EPB41L1: variants seen among roughly 807,000 people sequenced by gnomAD.
EPB41L1 encodes erythrocyte membrane protein band 4.1 like 1.
In EPB41L1, 29 loss-of-function variants were observed where a neutral mutation model predicts 97.8. The observed-to-expected ratio is 0.30, with a 90% confidence interval of 0.22 to 0.40. The LOEUF is 0.40. Among genes scored for constraint, EPB41L1 ranks in the 10% least tolerant of loss-of-function variants. The pLI is 1.00. For synonymous variants in EPB41L1, 383 were observed against 459.2 expected (o/e 0.83, Z 2.12); for missense variants, 812 against 1,162.3 (o/e 0.70, Z 4.38).
At chr20:36,142,859 G>A (rs1370468708) in intron 2 of EPB41L1, among the ~76,000 whole-genome samples, 8 of 152,162 alleles carry the variant, frequency 5.3e-5, no homozygotes, top group Non-Finnish European at 1.0e-4. Context: ...TGTGATCCTG[G>A]GCTCAGCCTG....
chr20:36,174,232 C>T (rs1446811837), intron 2 of EPB41L1, among the ~76,000 whole-genome samples: 4 of 151,964 alleles, frequency 2.6e-5, no homozygotes, highest in South Asian at 2.1e-4. Flanking sequence ...GGACAACAGG[C>T]GTGCACCACC....
At chr20:36,166,544 A>C (rs1294348680) in intron 1 of EPB41L1, among the ~76,000 whole-genome samples, 1 of 152,202 alleles carries the variant, frequency 6.6e-6, no homozygotes, top group African/African-American at 2.4e-5. Context: ...AAAAAGAAAT[A>C]AGTAAATCAA....
intron 1 of EPB41L1, chr20:36,155,724 C>T (rs912093783): frequency 4.5e-6 from 2 of 439,624 alleles, no homozygotes; most frequent in African/African-American, 4.0e-5. Flanking sequence ...CAGCCATCGT[C>T]GTTGCTTTTC....
At chr20:36,222,460 C>A in intron 21 of EPB41L1, 66 bp downstream of exon 21, 1 of 1,284,796 alleles carries the variant, frequency 7.8e-7, no homozygotes, top group Non-Finnish European at 1.1e-6. Flanking sequence ...CCTCTGAGGG[C>A]CATTTCCATC....
chr20:36,194,754 TG>T (rs1267458895), intron 12 of EPB41L1, among the ~76,000 whole-genome samples: 1 of 152,150 alleles, frequency 6.6e-6, no homozygotes, highest in Non-Finnish European at 1.5e-5. Context: ...GGTTCAAGTG[TG>T]TCCCCTTCCT....
intron 1 of EPB41L1, among the ~76,000 whole-genome samples, chr20:36,164,072 G>T (rs1013261240): frequency 2.0e-5 from 3 of 152,168 alleles, no homozygotes; most frequent in Admixed American, 2.0e-4. Flanking sequence ...TCAAACTCCT[G>T]ACCCCAAGTC....
chr20:36,212,462 C>CCA lies in EPB41L1; in HGVS notation c.2184+87_2184+88dup. On this transcript the variant is annotated intron_variant, in intron 16 of 21. Transcript: ENST00000338074. This position sits in a 1 kb window ranked among gnomAD's most constrained non-coding sequence, Gnocchi z 4.8. The stretch of plus-strand genomic sequence containing the variant: ...CCACTGCTGTGGCCAAACCCCTTGG[C>CCA]CAGCTCTTTTAATCTCAGCTTCCCT... 1.8e-6 allele frequency: 2 copies of CCA among 1,140,764 alleles called. No homozygotes were observed. The highest frequency in any genetic ancestry group is 2.6e-6 in the Non-Finnish European group (2 of 762,976). The allele number at this position is 1,140,764 out of a possible 1,614,324, so 70.7% of individuals were successfully genotyped here.
chr20:36,114,054 G>T (rs188908262), intron 2 of EPB41L1, among the ~76,000 whole-genome samples: 1 of 152,178 alleles, frequency 6.6e-6, no homozygotes, highest in Non-Finnish European at 1.5e-5. Flanking sequence ...CTAGTTGGCC[G>T]TGTGTCTAGA....
chr20:36,173,143 C>T (rs2061068363), intron 1 of EPB41L1, among the ~76,000 whole-genome samples: 1 of 152,220 alleles, frequency 6.6e-6, no homozygotes, highest in Non-Finnish European at 1.5e-5. Flanking sequence ...GTGGCCAACT[C>T]GGGGACTGAG....
chr20:36,226,222 C>T (rs1487365681), intron 21 of EPB41L1, among the ~76,000 whole-genome samples: 2 of 152,216 alleles, frequency 1.3e-5, no homozygotes, highest in Non-Finnish European at 2.9e-5. Context: ...CAAGGAAGAG[C>T]TCTGTACTCC....
At chr20:36,204,056 C>T (rs1000564373) in intron 14 of EPB41L1, among the ~76,000 whole-genome samples, 2 of 152,096 alleles carry the variant, frequency 1.3e-5, no homozygotes, top group Admixed American at 6.5e-5. Flanking sequence ...TGGAGGTGGT[C>T]ATGGTAGGGT....
Position 36,232,432 on chromosome 20 carries a change from A to G in EPB41L1, c.*3092A>G, listed in dbSNP as rs1026514303. 5 of 394,800 alleles carry G rather than the reference A, an allele frequency of 1.3e-5. No homozygotes were observed. Among genetic ancestry groups the G allele is most frequent in the Non-Finnish European group, 2.2e-5 (5 of 224,078 alleles). The allele number at this position is 394,800 out of a possible 1,614,324, so 24.5% of individuals were successfully genotyped here. On this transcript the variant is annotated 3_prime_UTR_variant, in exon 22 of 22. Transcript: ENST00000338074. ...ACTTGCAAAATAAGCAGAAAGAACC[A>G]GATGCTCTCCAGGGTCTTTTTCTAC... is the stretch of plus-strand genomic sequence containing the variant.
intron 17 of EPB41L1, among the ~76,000 whole-genome samples, chr20:36,215,766 C>T (rs529043698): frequency 1.3e-5 from 2 of 152,282 alleles, no homozygotes; most frequent in South Asian, 4.2e-4. Context: ...GTACTATCTG[C>T]CTGGTATGGG....
At chr20:36,115,177 A>T (rs2058546341) in intron 2 of EPB41L1, among the ~76,000 whole-genome samples, 1 of 152,140 alleles carries the variant, frequency 6.6e-6, no homozygotes, top group African/African-American at 2.4e-5. Flanking sequence ...CATATTATCG[A>T]TGAGGAAACT....
intron 1 of EPB41L1, among the ~76,000 whole-genome samples, chr20:36,111,656 G>T (rs1013246321): frequency 1.3e-4 from 19 of 151,918 alleles, no homozygotes; most frequent in Admixed American, 1.2e-3. Flanking sequence ...GCGTTGTGGC[G>T]CACGCCTGTA....
In EPB41L1 at chr20:36,108,700, C is replaced by G. The variant is rs1046938309; in HGVS notation, c.-64-3726C>G. Among the ~76,000 whole-genome samples, 3 of 152,096 alleles carry G rather than the reference C, an allele frequency of 2.0e-5. No homozygotes were observed. In the South Asian group the frequency reaches 6.2e-4, roughly 32 times the overall value. On this transcript the variant is annotated intron_variant, in intron 1 of 19. Coordinates refer to the EPB41L1 transcript ENST00000202028. ...AAAAATAAAATAAAATAAAATGTAG[C>G]TACTATACACTTTTAAATTACATAT...
chr20:36,155,210 G>A (rs931922854), intron 1 of EPB41L1: 19 of 455,884 alleles, frequency 4.2e-5, no homozygotes, highest in Non-Finnish European at 7.1e-5. Flanking sequence ...TCCTGCTGCC[G>A]CCTCCAGAGG....
chr20:36,198,085 A>G (rs749014081), intron 14 of EPB41L1, 44 bp downstream of exon 14: 6 of 1,569,832 alleles, frequency 3.8e-6, no homozygotes, highest in Non-Finnish European at 5.2e-6. Context: ...TTGGGTAAAG[A>G]GACATTGGGT....
Position 36,114,967 on chromosome 20 carries a change from T to A in EPB41L1, c.-10+2487T>A, listed in dbSNP as rs139629524. On this transcript the variant is annotated intron_variant, in intron 2 of 19. Coordinates refer to the EPB41L1 transcript ENST00000202028. ...GCTAGGATATTAGTGGAGCTCTAGG[T>A]TGTAACAGCTCATAGGCCTGCAGGG... Among the ~76,000 whole-genome samples, 980 of 152,072 alleles carry A rather than the reference T, an allele frequency of 6.4e-3. 15 individuals are homozygous for A. Among genetic ancestry groups the A allele is most frequent in the African/African-American group, 0.022 (922 of 41,490 alleles).
Sources: allele counts gnomAD v4.1 joint callset (sites outside exome capture counted in the v4.1 genomes callset), GRCh38; gene constraint gnomAD v4.1.1; non-coding constraint Gnocchi (gnomAD v3.1); transcripts MANE v1.5; gene names NCBI Gene and HGNC (gene_info 2026-07-23, HGNC 2026-07-21).